Variants in CNTLN observed in about 807,000 individuals in gnomAD.
CNTLN encodes the protein centlein, also known as centlein, centrosomal protein.
In CNTLN, 212 loss-of-function variants were observed where a neutral mutation model predicts 180.0. The ratio of observed to expected loss-of-function variants is 1.18; its 90% CI spans 1.05 to 1.32. The LOEUF (loss-of-function observed/expected upper bound fraction) is 1.32. Among genes scored for constraint, CNTLN ranks in the 40% most tolerant of loss-of-function variants. The probability of loss-of-function intolerance (pLI) is 0.00; values close to 1 mark genes in which losing one functional copy is unlikely to be tolerated. For synonymous variants in CNTLN, 722 were observed against 563.1 expected (o/e 1.28, Z -3.99); for missense variants, 2,095 against 1,610.9 (o/e 1.30, Z -5.14).
chr9:17,354,315 G>C (rs1822634829), intron 12 of CNTLN, among the ~76,000 whole-genome samples: 1 of 152,212 alleles, frequency 6.6e-6, no homozygotes, highest in Admixed American at 6.5e-5. Context: ...GGGCTGAGGA[G>C]TGCAGGCGCA....
chr9:17,329,322 T>A (rs1450008499), intron 8 of CNTLN, among the ~76,000 whole-genome samples: 5 of 151,886 alleles, frequency 3.3e-5, no homozygotes. Flanking sequence ...AGTTTGACTA[T>A]AAAACAGGAG....
At chr9:17,394,458 C>G in intron 14 of CNTLN, 76 bp from the exon 15 acceptor site, 1 of 1,049,030 alleles carries the variant, frequency 9.5e-7, no homozygotes, top group East Asian at 2.7e-5. Context: ...ATTTTTATTT[C>G]ATAAGTTAGA....
intron 6 of CNTLN, among the ~76,000 whole-genome samples, 193 bp from the exon 7 acceptor site, chr9:17,297,997 G>T (rs899199777): frequency 1.4e-4 from 22 of 152,018 alleles, no homozygotes; most frequent in Admixed American, 1.2e-3. Context: ...AGTCATAGTC[G>T]TTGTATCAAT....
chr9:17,371,701 A>G (rs1235709934), intron 13 of CNTLN, among the ~76,000 whole-genome samples: 1 of 152,148 alleles, frequency 6.6e-6, no homozygotes, highest in Non-Finnish European at 1.5e-5. Flanking sequence ...TCGAGGACAG[A>G]CTGTGTGTTA....
intron 2 of CNTLN, among the ~76,000 whole-genome samples, chr9:17,170,843 T>C (rs1330724855): frequency 6.6e-6 from 1 of 152,192 alleles, no homozygotes; most frequent in Non-Finnish European, 1.5e-5. Flanking sequence ...AAGATTATAA[T>C]ACCGTATTTT....
chr9:17,453,819 A>G (rs567824850), intron 18 of CNTLN, among the ~76,000 whole-genome samples: 36 of 152,204 alleles, frequency 2.4e-4, no homozygotes, highest in Non-Finnish European at 3.1e-4. Context: ...GTCTCATAAC[A>G]TGGCAACTTA....
At chr9:17,296,503 CT>C (rs1451232654) in intron 6 of CNTLN, among the ~76,000 whole-genome samples, 1 of 152,120 alleles carries the variant, frequency 6.6e-6, no homozygotes, top group Non-Finnish European at 1.5e-5. Context: ...CATCATGTCT[CT>C]TTTCTAAATG....
intron 6 of CNTLN, among the ~76,000 whole-genome samples, chr9:17,280,439 T>G (rs1462100587): frequency 2.0e-5 from 3 of 152,212 alleles, no homozygotes; most frequent in Non-Finnish European, 4.4e-5. Flanking sequence ...TCAATCCTTT[T>G]TTATTATCTT....
At chr9:17,370,662 G>A (rs908161261) in intron 13 of CNTLN, among the ~76,000 whole-genome samples, 5 of 152,058 alleles carry the variant, frequency 3.3e-5, no homozygotes, top group African/African-American at 1.2e-4. Context: ...ATACAATATT[G>A]TAATACCGTA....
intron 23 of CNTLN, among the ~76,000 whole-genome samples, chr9:17,468,091 C>G (rs1466175893): frequency 6.6e-6 from 1 of 151,516 alleles, no homozygotes; most frequent in Non-Finnish European, 1.5e-5. Flanking sequence ...TCCTTTGCAG[C>G]AACTTGAATG....
rs1168383632 is a variant in CNTLN, at chr9:17,366,039, G to A, written c.1887-578G>A. Among the ~76,000 whole-genome samples, 8 of 152,292 alleles carry A rather than the reference G, an allele frequency of 5.3e-5. No individual in the cohort carries two copies. The East Asian group carries it at 1.5e-3, about 29-fold the overall frequency. On this transcript the variant is annotated intron_variant, in intron 12 of 25. Transcript: ENST00000380647. ...TGTTTAGCATGTTTATTGAGATAAA[G>A]TTAACAGAAATAACTTACTTAAAAC...
intron 18 of CNTLN, chr9:17,448,513 G>C (rs1287652011): frequency 1.3e-5 from 2 of 152,192 alleles, no homozygotes; most frequent in African/African-American, 2.4e-5. Flanking sequence ...GGTGGAAGAG[G>C]CTCCAAACTC....
chr9:17,450,169 C>G (rs934894682), intron 18 of CNTLN, among the ~76,000 whole-genome samples: 1 of 152,100 alleles, frequency 6.6e-6, no homozygotes, highest in African/African-American at 2.4e-5. Flanking sequence ...CATTTTCAGA[C>G]CCATAAAAAA....
chr9:17,294,336 A>G (rs1817638433), intron 6 of CNTLN, among the ~76,000 whole-genome samples: 2 of 151,856 alleles, frequency 1.3e-5, no homozygotes, highest in African/African-American at 4.8e-5. Context: ...CAGAGAGCCG[A>G]TTGGTTTTAC....
intron 2 of CNTLN, chr9:17,168,506 GA>G (rs1820228895): frequency 6.6e-6 from 1 of 151,972 alleles, no homozygotes; most frequent in African/African-American, 2.4e-5. Context: ...TGTTTAAGTT[GA>G]AAAAATAACA....
intron 12 of CNTLN, among the ~76,000 whole-genome samples, chr9:17,363,367 C>G (rs1439589059): frequency 2.0e-5 from 3 of 152,282 alleles, no homozygotes; most frequent in African/African-American, 7.2e-5. Flanking sequence ...TGTTTCTCCA[C>G]ATCCTCTCCA....
At chr9:17,489,484 C>G (rs962818223) in intron 25 of CNTLN, among the ~76,000 whole-genome samples, 12 of 151,962 alleles carry the variant, frequency 7.9e-5, no homozygotes, top group African/African-American at 2.9e-4. Flanking sequence ...TGTATGTGAT[C>G]AAATCCTGAG....
intron 7 of CNTLN, among the ~76,000 whole-genome samples, chr9:17,305,298 T>A (rs1818631489): frequency 6.6e-6 from 1 of 152,188 alleles, no homozygotes; most frequent in Non-Finnish European, 1.5e-5. Context: ...AAGCATATAA[T>A]GTAATACGTG....
chr9:17,450,638 A>G (rs756010987), intron 18 of CNTLN, among the ~76,000 whole-genome samples: 9 of 152,182 alleles, frequency 5.9e-5, no homozygotes, highest in Non-Finnish European at 1.3e-4. Flanking sequence ...ACTGAAGTCT[A>G]ACTACTAGCA....
Sources: gnomAD v4.1 joint callset for allele counts (sites outside exome capture counted in the v4.1 genomes callset) on GRCh38, gnomAD v4.1.1 for gene constraint, MANE v1.5 for transcripts, NCBI Gene and HGNC (gene_info 2026-07-23, HGNC 2026-07-21) for gene names.